The following DRC9 variants were observed in gnomAD, a reference collection of about 807,000 sequenced individuals.
The protein encoded by DRC9 is dynein regulatory complex subunit 9.
At chr3:197,938,411 T>C in the DRC9 span, 1 of 678,072 alleles carries the variant, frequency 1.5e-6, no homozygotes, top group Non-Finnish European at 2.6e-6. Context: ...AGTCTTTAGC[T>C]AATTCTATTC....
the DRC9 span, chr3:197,889,624 C>T: frequency 6.2e-7 from 1 of 1,614,202 alleles, no homozygotes; most frequent in Non-Finnish European, 8.5e-7. Context: ...TTACCTTTGC[C>T]TTTTGAATCC....
chr3:197,953,830 A>G, the DRC9 span: 6 of 686,908 alleles, frequency 8.7e-6, no homozygotes, highest in East Asian at 1.4e-4. Context: ...AGGGCCTGGC[A>G]TACAATAGTT....
chr3:197,938,843 C>T, the DRC9 span: 46 of 1,130,568 alleles, frequency 4.1e-5, no homozygotes, highest in African/African-American at 6.5e-4. Flanking sequence ...AAGAAAGAGG[C>T]CTTTGTGTAC....
the DRC9 span, among the ~76,000 whole-genome samples, chr3:197,955,485 A>G: frequency 2.0e-5 from 3 of 152,062 alleles, no homozygotes; most frequent in Admixed American, 6.6e-5. Flanking sequence ...GATGGTCTCT[A>G]TCTCTTGACC....
chr3:197,913,284 C>G, the DRC9 span: 1 of 186,810 alleles, frequency 5.4e-6, no homozygotes, highest in African/African-American at 2.4e-5. Context: ...GCCTCACTGC[C>G]TCACCTCCGA....
At chr3:197,933,028 AT>A in the DRC9 span, among the ~76,000 whole-genome samples, 3 of 139,734 alleles carry the variant, frequency 2.1e-5, no homozygotes, top group Non-Finnish European at 4.6e-5. Context: ...AATATAAAAT[AT>A]TATATATTAT....
chr3:197,928,055 AT>A, the DRC9 span, among the ~76,000 whole-genome samples: 11 of 152,170 alleles, frequency 7.2e-5, no homozygotes, highest in Non-Finnish European at 1.5e-4. Context: ...ATGTATACCT[AT>A]GTATCAAACC....
chr3:197,950,817 C>T, the DRC9 span: 1 of 834,794 alleles, frequency 1.2e-6, no homozygotes, highest in Non-Finnish European at 2.0e-6. Context: ...TTGTTGTCCC[C>T]GAACTCCTAC....
chr3:197,940,558 G>C, the DRC9 span, among the ~76,000 whole-genome samples: 1 of 151,984 alleles, frequency 6.6e-6, no homozygotes, highest in Non-Finnish European at 1.5e-5. Context: ...GGCTTTAAAA[G>C]AGGGAAAATG....
the DRC9 span, chr3:197,945,802 G>A: frequency 1.8e-5 from 10 of 570,498 alleles, no homozygotes; most frequent in Admixed American, 3.6e-5. Flanking sequence ...TGTGACTATC[G>A]CCTCTTTGTG....
the DRC9 span, among the ~76,000 whole-genome samples, chr3:197,918,514 C>G: frequency 6.6e-6 from 1 of 152,144 alleles, no homozygotes; most frequent in Non-Finnish European, 1.5e-5. Flanking sequence ...CCTTCAAGGT[C>G]CACCTTATAT....
chr3:197,911,431 C>G, the DRC9 span, among the ~76,000 whole-genome samples: 2 of 151,890 alleles, frequency 1.3e-5, no homozygotes, highest in Non-Finnish European at 2.9e-5. Flanking sequence ...TTAATGAGTG[C>G]ATTATTTATA....
At chr3:197,949,575 CA>C in the DRC9 span, 1 of 152,854 alleles carries the variant, frequency 6.5e-6, no homozygotes, top group African/African-American at 2.4e-5. Flanking sequence ...CTCCTGGCCT[CA>C]AGCGATCCTC....
the DRC9 span, among the ~76,000 whole-genome samples, chr3:197,929,356 C>A: frequency 6.6e-6 from 1 of 152,224 alleles, no homozygotes; most frequent in African/African-American, 2.4e-5. The surrounding 1 kb of genome is among the most constrained non-coding windows in gnomAD (Gnocchi z 4.6). Context: ...TCTGCCCAGC[C>A]ATGCTACAGT....
At chr3:197,945,602 T>A in the DRC9 span, 3 of 1,554,712 alleles carry the variant, frequency 1.9e-6, no homozygotes. Flanking sequence ...ACAAAAAACA[T>A]TGGAATTTTA....
the DRC9 span, chr3:197,953,924 C>A: frequency 6.8e-7 from 1 of 1,465,594 alleles, no homozygotes; most frequent in Non-Finnish European, 9.5e-7. Flanking sequence ...GGGTTGAGAG[C>A]CACTCGTGTA....
the DRC9 span, among the ~76,000 whole-genome samples, chr3:197,952,188 T>G: frequency 1.3e-4 from 16 of 124,422 alleles, no homozygotes; most frequent in Admixed American, 3.8e-4. Flanking sequence ...TTTTTTTTTT[T>G]GGAGACGGAG....
the DRC9 span, among the ~76,000 whole-genome samples, chr3:197,939,301 T>A: frequency 1.3e-5 from 2 of 152,008 alleles, no homozygotes. Flanking sequence ...GAAATACAAA[T>A]AAAAAAAGGA....
chr3:197,938,783 T>A, the DRC9 span: 1 of 1,595,836 alleles, frequency 6.3e-7, no homozygotes, highest in Non-Finnish European at 8.6e-7. Flanking sequence ...CTGCTTTTCT[T>A]TTAAAACAAT....
Sources: allele counts gnomAD v4.1 joint callset (sites outside exome capture counted in the v4.1 genomes callset), GRCh38; gene constraint gnomAD v4.1.1; non-coding constraint Gnocchi (gnomAD v3.1); transcripts MANE v1.5; gene names NCBI Gene and HGNC (gene_info 2026-07-23, HGNC 2026-07-21).